DPP3: variants seen among roughly 807,000 people sequenced by gnomAD.
DPP3 encodes the protein dipeptidyl peptidase 3, also known as DPP III.
Under a neutral mutation model 89.8 loss-of-function variants are expected in DPP3, and 64 were observed. The ratio of observed to expected loss-of-function variants is 0.71; its 90% CI spans 0.58 to 0.88. DPP3 has a LOEUF of 0.88. DPP3 is among the 40% of genes least tolerant of loss of function. The pLI, the probability that DPP3 is intolerant of heterozygous loss-of-function variation, is 0.00. For synonymous variants in DPP3, 377 were observed against 404.3 expected, an observed-to-expected ratio of 0.93 and a Z score of 0.81; for missense variants, 835 against 972.5, an observed-to-expected ratio of 0.86 and a Z score of 1.88.
chr11:66,492,568 C>A, intron 9 of DPP3, 148 bp from the exon 10 acceptor site: 1 of 927,610 alleles, frequency 1.1e-6, no homozygotes, highest in Non-Finnish European at 1.6e-6. Context: ...CCCAGTAGGG[C>A]CCAGGCCTGG....
In DPP3 at chr11:66,482,556, G is replaced by A. The variant is rs1459989828; in HGVS notation, c.270+86G>A. Reference sequence around the variant, plus strand: ...TGCAAATGTCTGTCTCTTTCAAGGGGTAGGTGGAGGATTAGACCAAAGGTT... The same window carrying A: ...TGCAAATGTCTGTCTCTTTCAAGGGATAGGTGGAGGATTAGACCAAAGGTT... On this transcript the variant is annotated intron_variant, in intron 2 of 17. Coordinates refer to ENST00000531863, the MANE Select transcript of DPP3 (RefSeq NM_130443.4). 5.2e-6 allele frequency: 8 copies of A among 1,542,430 alleles called. No individual in the cohort carries two copies. The East Asian group carries it at 6.8e-5, about 13-fold the overall frequency.
intron 16 of DPP3, among the ~76,000 whole-genome samples, chr11:66,500,975 G>A (rs1414667347): frequency 1.3e-5 from 2 of 152,118 alleles, no homozygotes; most frequent in Non-Finnish European, 2.9e-5. Context: ...GATCACCTGA[G>A]GTTAGGAGTT....
At chr11:66,480,571 T>G in intron 1 of DPP3, 106 bp downstream of exon 1, 1 of 1,279,410 alleles carries the variant, frequency 7.8e-7, no homozygotes, top group African/African-American at 1.6e-5. Context: ...CACTCTCCAG[T>G]ACCCCCTCCA....
chr11:66,495,098 T>G, intron 12 of DPP3, 108 bp from the exon 13 acceptor site: 1 of 1,534,734 alleles, frequency 6.5e-7, no homozygotes. Context: ...CGCCCGCTCC[T>G]GCGCTCCCGC....
chr11:66,482,526 C>A (rs1287496040), intron 2 of DPP3, 56 bp downstream of exon 2: 11 of 1,577,722 alleles, frequency 7.0e-6, no homozygotes, highest in Non-Finnish European at 9.5e-6. Context: ...TGTGAAAGAC[C>A]AGGATGCAAA....
rs187410072 is a variant in DPP3 at position 66,482,404 on chromosome 11, C to T, written c.204C>T (p.Arg68=). The T allele has an allele frequency of 1.1e-4, 184 of 1,610,608 alleles. 2 individuals are homozygous for T. In the East Asian group the frequency reaches 2.1e-3, roughly 18 times the overall value. The stretch of plus-strand genomic sequence containing the variant: ...ATGCTCTGCTCAGCCGCCTCTTCCG[C>T]GCCCAGGACCCCGACCAGCTGCGCC... ...YIYALLSRLF[R]AQDPDQLRQH... is the part of the protein sequence containing the mutation. The change falls in exon 2 of 18, where the codon CGC becomes CGT. Residue 68 remains arginine (R), a synonymous_variant. Coordinates refer to ENST00000531863, the MANE Select transcript of DPP3 (RefSeq NM_130443.4).
At chr11:66,502,401 G>A (rs1048743425) in intron 16 of DPP3, among the ~76,000 whole-genome samples, 2 of 151,036 alleles carry the variant, frequency 1.3e-5, no homozygotes, top group Admixed American at 6.6e-5. Context: ...TCTGCCTCCC[G>A]AGTTCAAGAG....
At chr11:66,491,170 C>T in intron 6 of DPP3, 83 bp from the exon 7 acceptor site, 1 of 1,582,142 alleles carries the variant, frequency 6.3e-7, no homozygotes, top group Non-Finnish European at 8.6e-7. Context: ...GAAAAGCCGG[C>T]TGAGGTGTCT....
rs1251294700 is a variant in DPP3, at chr11:66,491,726, G to A, written c.958G>A (p.Asp320Asn). The change falls in exon 9 of 18, where the codon GAC (aspartate) becomes AAC (asparagine). Residue 320 changes from aspartate to asparagine, a missense_variant. Coordinates refer to ENST00000531863, the MANE Select transcript of DPP3 (RefSeq NM_130443.4). ...SYIGFIESYR[D>N]PFGSRGEFEG... is the part of the protein sequence containing the mutation. ...CATCGGGTTCATCGAGAGCTACCGC[G>A]ACCCCTTTGGTTCCCGAGGAGAATT... 6 of 1,610,938 alleles carry A rather than the reference G, an allele frequency of 3.7e-6. No homozygotes were observed. Among genetic ancestry groups the A allele is most frequent in the Admixed American group, 3.4e-5 (2 of 59,510 alleles).
At chr11:66,508,174 G>A (rs963732628) in intron 17 of DPP3, among the ~76,000 whole-genome samples, 1 of 152,248 alleles carries the variant, frequency 6.6e-6, no homozygotes, top group African/African-American at 2.4e-5. Context: ...GTGATGTCAT[G>A]GAACACGACA....
chr11:66,497,228 G>GGACCAAC (rs1396987989), intron 15 of DPP3, 70 bp from the exon 16 acceptor site: 2 of 1,544,538 alleles, frequency 1.3e-6, no homozygotes, highest in Non-Finnish European at 1.7e-6. Context: ...CAAGGACCAA[G>GGACCAAC]CCAAGGACCA....
Position 66,495,678 on chromosome 11 carries a change from C to G in DPP3, c.1626C>G (p.Asn542Lys), listed in dbSNP as rs1345662745. 1 of 1,614,018 alleles carries G rather than the reference C, an allele frequency of 6.2e-7. No homozygotes were observed. Among genetic ancestry groups the G allele is most frequent in the Non-Finnish European group, 8.5e-7 (1 of 1,180,040 alleles). The change falls in exon 15 of 18, where the codon AAC becomes AAG. Residue 542 changes from asparagine to lysine, a missense_variant. Asn to Lys is a moderately conservative substitution (Grantham distance 94). Coordinates refer to ENST00000531863, the MANE Select transcript of DPP3 (RefSeq NM_130443.4). ...ATGCGGAGGACGTGATCTACGTGAA[C>G]TGGCTCAACATGGTTCGGGCCGGGC... is the stretch of plus-strand genomic sequence containing the variant. ...GADAEDVIYV[N>K]WLNMVRAGLL...
chr11:66,489,294 T>C (rs1042432747), intron 6 of DPP3, among the ~76,000 whole-genome samples: 1 of 152,148 alleles, frequency 6.6e-6, no homozygotes, highest in African/African-American at 2.4e-5. Flanking sequence ...CCAGGACCTT[T>C]CCCTATCTTC....
In DPP3 at chr11:66,487,350, G is replaced by T; in HGVS notation, c.573+8G>T. The stretch of plus-strand genomic sequence containing the variant: ...GACTTTCTGGACTCACAGGTTTGGG[G>T]TTAGGGGAGCTCAAGGTAGCAGAGG... On this transcript the variant is annotated splice_region_variant and intron_variant, in intron 5 of 17. Coordinates refer to ENST00000531863, the MANE Select transcript of DPP3 (RefSeq NM_130443.4). 1.9e-6 allele frequency: 3 copies of T among 1,613,860 alleles called. No homozygotes were observed. Among genetic ancestry groups the T allele is most frequent in the Non-Finnish European group, 2.5e-6 (3 of 1,179,804 alleles).
At position 66,495,499 on chromosome 11, in the gene DPP3, G is replaced by T; in HGVS notation, c.1577+10G>T. ...ACCCGCAAGTGCTGGAGTAAGAGCA[G>T]CAGGGCCGAGGGGCGGGCTGTCCCG... On this transcript the variant is annotated intron_variant, in intron 14 of 17. Transcript: ENST00000531863. 6.2e-7 allele frequency: 1 copy of T among 1,610,452 alleles called. No homozygotes were observed.
At chr11:66,492,994 A>T in intron 10 of DPP3, 73 bp from the exon 11 acceptor site, 1 of 1,605,932 alleles carries the variant, frequency 6.2e-7, no homozygotes, top group Middle Eastern at 1.7e-4. Flanking sequence ...ACCCTCCACA[A>T]ACTGCTCTGT....
Position 66,482,418 on chromosome 11 carries a change from A to G in DPP3, c.218A>G (p.Asp73Gly). The G allele has an allele frequency of 6.2e-7, 1 of 1,609,582 alleles. No individual in the cohort carries two copies. The highest frequency in any genetic ancestry group is 8.5e-7 in the Non-Finnish European group (1 of 1,180,022). The change falls in exon 2 of 18, where the codon GAC becomes GGC. Residue 73 changes from aspartate (D) to glycine (G), a missense_variant. Transcript: ENST00000531863. Reference sequence around the variant, plus strand: ...CGCCTCTTCCGCGCCCAGGACCCCGACCAGCTGCGCCAACATGCCCTGGCT... The same window carrying G: ...CGCCTCTTCCGCGCCCAGGACCCCGGCCAGCTGCGCCAACATGCCCTGGCT... Reference protein sequence around the residue: ...LSRLFRAQDPDQLRQHALAEG... With the variant: ...LSRLFRAQDPGQLRQHALAEG...
rs1473606790 is a variant in DPP3, at chr11:66,509,168, T to C, written c.2131T>C (p.Leu711=). The part of the protein sequence containing the change: ...SERFPEDGPE[L]EEILTQLATA... ...GCGTTTCCCAGAGGATGGACCCGAGTTGGAGGAGATCCTCACACAGCTGGC... is the reference window on the plus strand; with the variant it reads ...GCGTTTCCCAGAGGATGGACCCGAGCTGGAGGAGATCCTCACACAGCTGGC... The change falls in exon 18 of 18, where the codon TTG becomes CTG. Residue 711 remains leucine (L), a synonymous_variant. Coordinates refer to ENST00000531863, the MANE Select transcript of DPP3 (RefSeq NM_130443.4). The C allele has an allele frequency of 1.2e-6, 2 of 1,614,100 alleles. No individual in the cohort carries two copies. The highest frequency in any genetic ancestry group is 1.7e-6 in the Non-Finnish European group (2 of 1,180,024).
At position 66,486,680 on chromosome 11, in the gene DPP3, G is replaced by A. The variant is rs202010233; in HGVS notation, c.498+3G>A. 12 of 1,510,550 alleles carry A rather than the reference G, an allele frequency of 7.9e-6. No individual in the cohort carries two copies. The highest frequency in any genetic ancestry group is 2.2e-5 in the Admixed American group (1 of 45,356). 93.6% of individuals were successfully genotyped at this position (1,510,550 alleles called of 1,614,324 possible). A position where few individuals can be genotyped will look rare whatever the true frequency, so the allele number is the denominator to read the frequency against. Reference sequence around the variant, plus strand: ...GACACCTCGGACTGGGGAAGGAGGTGAGGCCCCTGACTCCCCCGAGGGGAC... The same window carrying A: ...GACACCTCGGACTGGGGAAGGAGGTAAGGCCCCTGACTCCCCCGAGGGGAC... On this transcript the variant is annotated splice_donor_region_variant and intron_variant, in intron 4 of 17. Transcript: ENST00000531863.
Sources: gnomAD v4.1 joint callset for allele counts (sites outside exome capture counted in the v4.1 genomes callset) on GRCh38, gnomAD v4.1.1 for gene constraint, MANE v1.5 for transcripts, NCBI Gene and HGNC (gene_info 2026-07-23, HGNC 2026-07-21) for gene names.